FOLR2: variants seen among roughly 807,000 people sequenced by gnomAD.
FOLR2 encodes folate receptor beta, also known as folate receptor 2 (fetal).
Under a neutral mutation model 20.4 loss-of-function variants are expected in FOLR2, and 14 were observed. The observed-to-expected ratio is 0.68, with a 90% CI of 0.45 to 1.07. The LOEUF (loss-of-function observed/expected upper bound fraction) is 1.07. Ranked by LOEUF, FOLR2 falls within the 50% of genes least tolerant of loss-of-function variation. The pLI, the probability that FOLR2 is intolerant of heterozygous loss-of-function variation, is 0.00. For missense variants in FOLR2, 269 were observed against 322.6 expected, an observed-to-expected ratio of 0.83 and a Z score of 1.27; for synonymous variants, 114 against 114.3, an observed-to-expected ratio of 1.00 and a Z score of 0.02.
intron 1 of FOLR2, chr11:72,217,221 C>T (rs547671458): frequency 1.9e-6 from 1 of 515,298 alleles, no homozygotes; most frequent in Non-Finnish European, 3.4e-6. Flanking sequence ...GACGGGGTTT[C>T]ATCATGTTGG....
Position 72,221,067 on chromosome 11 carries a change from T to TCGGGGGGGGGCCCCGCCCCCCC in FOLR2, c.339+10_339+11insGGGGGGGGGCCCCGCCCCCCCC. ...GGCCCTGGATCCAGCAGGTAGGGTG[T>TCGGGGGGGGGCCCCGCCCCCCC]CTCCCCCCCACCCACCCCAGCAGAC... On this transcript the variant is annotated intron_variant, in intron 3 of 4. Coordinates refer to ENST00000298223, the MANE Select transcript of FOLR2 (RefSeq NM_000803.5). The TCGGGGGGGGGCCCCGCCCCCCC allele has an allele frequency of 6.4e-7, 1 of 1,570,120 alleles. No homozygotes were observed. The highest frequency in any genetic ancestry group is 8.7e-7 in the Non-Finnish European group (1 of 1,154,916).
intron 1 of FOLR2, 85 bp from the exon 2 acceptor site, chr11:72,218,476 G>A (rs1488355337): frequency 1.0e-5 from 13 of 1,253,506 alleles, no homozygotes; most frequent in East Asian, 2.5e-5. Flanking sequence ...ATTTGCCACC[G>A]TAGGGTTGGG....
At chr11:72,221,100 C>T in intron 3 of FOLR2, 42 bp downstream of exon 3, 2 of 1,558,506 alleles carry the variant, frequency 1.3e-6, no homozygotes, top group African/African-American at 2.7e-5. Flanking sequence ...GACTGCCATC[C>T]CCCTCAGTCA....
In FOLR2 at chr11:72,221,722, T is replaced by C. The variant is rs762646223; in HGVS notation, c.728T>C (p.Leu243Pro). ...EMLHGTGGLL[L>P]SLALMLQLWL... is the part of the protein sequence containing the mutation. ...CTTCATGGGACTGGGGGTCTCCTGCTCAGTCTGGCCCTGATGCTGCAACTC... is the reference window on the plus strand; with the variant it reads ...CTTCATGGGACTGGGGGTCTCCTGCCCAGTCTGGCCCTGATGCTGCAACTC... Residue 243 changes from leucine (L) to proline (P), a missense_variant, in exon 5 of 5, where the codon CTC becomes CCC. By Grantham distance (98) the Leu-to-Pro change is moderately conservative. Coordinates refer to ENST00000298223, the MANE Select transcript of FOLR2 (RefSeq NM_000803.5). 6 of 1,614,014 alleles carry C rather than the reference T, an allele frequency of 3.7e-6. No homozygotes were observed. Among genetic ancestry groups the C allele is most frequent in the Non-Finnish European group, 5.1e-6 (6 of 1,179,888 alleles).
In FOLR2 at chr11:72,221,514, T is replaced by C. The variant is rs1375597371; in HGVS notation, c.520T>C (p.Ser174Pro). 1 of 1,613,790 alleles carries C rather than the reference T, an allele frequency of 6.2e-7. No individual in the cohort carries two copies. Among genetic ancestry groups the C allele is most frequent in the Non-Finnish European group, 8.5e-7 (1 of 1,179,896 alleles). ...TGGGGCTCTCTGCCGCACCTTTGAG[T>C]CCTACTTCCCCACTCCAGCTGCCCT... ...PAGALCRTFE[S>P]YFPTPAALCE... The change falls in exon 5 of 5, where the codon TCC becomes CCC. Residue 174 changes from serine (S) to proline (P), a missense_variant. Transcript: ENST00000298223.
At position 72,221,067 on chromosome 11, in the gene FOLR2, T is replaced by TCTG; in HGVS notation, c.339+11_339+12insGCT. On this transcript the variant is annotated intron_variant, in intron 3 of 4. Coordinates refer to ENST00000298223, the MANE Select transcript of FOLR2 (RefSeq NM_000803.5). ...GGCCCTGGATCCAGCAGGTAGGGTGTCTCCCCCCCACCCACCCCAGCAGAC... is the reference window on the plus strand; with the variant it reads ...GGCCCTGGATCCAGCAGGTAGGGTGTCTGCTCCCCCCCACCCACCCCAGCAGAC... 3 of 1,570,118 alleles carry TCTG rather than the reference T, an allele frequency of 1.9e-6. No individual in the cohort carries two copies. Among genetic ancestry groups the TCTG allele is most frequent in the South Asian group, 1.1e-5 (1 of 87,004 alleles).
In FOLR2 at chr11:72,218,644, T is replaced by G. The variant is rs760869226; in HGVS notation, c.60T>G (p.Ser20Arg). 6.2e-7 allele frequency: 1 copy of G among 1,613,428 alleles called. No homozygotes were observed. The highest frequency in any genetic ancestry group is 2.2e-5 in the East Asian group (1 of 44,862). Reference sequence around the variant, plus strand: ...TGGTCTGTGTAGCCACCATGTGCAGTGCCCAGGACAGGACTGATCTCCTCA... The same window carrying G: ...TGGTCTGTGTAGCCACCATGTGCAGGGCCCAGGACAGGACTGATCTCCTCA... ...LLLVCVATMC[S>R]AQDRTDLLNV... is the part of the protein sequence containing the mutation. The change falls in exon 2 of 5, where the codon AGT (serine) becomes AGG (arginine). Residue 20 changes from serine to arginine, a missense_variant. Ser to Arg is a moderately radical substitution (Grantham distance 110). Transcript: ENST00000298223.
intron 2 of FOLR2, among the ~76,000 whole-genome samples, 160 bp from the exon 3 acceptor site, chr11:72,220,710 C>T (rs534989729): frequency 6.6e-6 from 1 of 152,296 alleles, no homozygotes; most frequent in South Asian, 2.1e-4. Context: ...GAAAGGGGTT[C>T]CTGGAGGCCT....
Position 72,221,189 on chromosome 11 carries a change from GGCGCAAAGAAC to G in FOLR2, c.356_366del (p.Arg119LeufsTer39). The G allele has an allele frequency of 1.2e-6, 2 of 1,612,606 alleles. No homozygotes were observed. Among genetic ancestry groups the G allele is most frequent in the Non-Finnish European group, 1.7e-6 (2 of 1,179,456 alleles). ...CCTCCCACCCAGGTGAATCAGAGCTGGCGCAAAGAACGCTTCCTGGATGTGCCCTTATGCAA... is the reference window on the plus strand; with the variant it reads ...CCTCCCACCCAGGTGAATCAGAGCTGGCTTCCTGGATGTGCCCTTATGCAA... On this transcript the variant is annotated frameshift_variant, in exon 4 of 5. Coordinates refer to ENST00000298223, the MANE Select transcript of FOLR2 (RefSeq NM_000803.5). LOFTEE classifies it high-confidence loss of function.
intron 2 of FOLR2, among the ~76,000 whole-genome samples, chr11:72,219,466 C>T (rs566277222): frequency 7.2e-5 from 11 of 152,232 alleles, no homozygotes; most frequent in Admixed American, 5.2e-4. Context: ...GAGAAACACA[C>T]AGAAAGTAAC....
chr11:72,219,247 T>A (rs1948444331), intron 2 of FOLR2, among the ~76,000 whole-genome samples: 1 of 152,130 alleles, frequency 6.6e-6, no homozygotes, highest in South Asian at 2.1e-4. Context: ...GAGGAGGCCC[T>A]TCTGGCTGTA....
At position 72,216,850 on chromosome 11, in the gene FOLR2, C is replaced by T. The variant is rs1948397097; in HGVS notation, c.-100C>T. On this transcript the variant is annotated 5_prime_UTR_variant, in exon 1 of 5. Coordinates refer to ENST00000298223, the MANE Select transcript of FOLR2 (RefSeq NM_000803.5). ...GAGGCTGTGGGGACAGCCTAGGGGC[C>T]TGGATCTATTGCCTACTTAGAGAGA... 1 of 1,594,226 alleles carries T rather than the reference C, an allele frequency of 6.3e-7. No individual in the cohort carries two copies. The highest frequency in any genetic ancestry group is 1.3e-5 in the African/African-American group (1 of 74,950).
rs544857074 is a variant in FOLR2 at position 72,220,042 on chromosome 11, C to T, written c.151-828C>T. On this transcript the variant is annotated intron_variant, in intron 2 of 4. Coordinates refer to ENST00000298223, the MANE Select transcript of FOLR2 (RefSeq NM_000803.5). ...ATTTTTACCAGAGACGAGGTTTCAC[C>T]ATGTTGGCCAGGGTGGTCTCAAACT... Among the ~76,000 whole-genome samples, 7 of 152,186 alleles carry T rather than the reference C, an allele frequency of 4.6e-5. No homozygotes were observed. In the East Asian group the frequency reaches 1.2e-3, roughly 25 times the overall value.
chr11:72,221,693 G>A lies in FOLR2; in HGVS notation c.699G>A (p.Glu233=), dbSNP rs746200796. 1.9e-6 allele frequency: 3 copies of A among 1,614,024 alleles called. No individual in the cohort carries two copies. The highest frequency in any genetic ancestry group is 2.5e-6 in the Non-Finnish European group (3 of 1,179,992). Residue 233 remains glutamate, a synonymous_variant, in exon 5 of 5, where the codon GAG becomes GAA. Coordinates refer to ENST00000298223, the MANE Select transcript of FOLR2 (RefSeq NM_000803.5). Reference sequence around the variant, plus strand: ...CAGCCATGCATGTGAATGCTGGTGAGATGCTTCATGGGACTGGGGGTCTCC... The same window carrying A: ...CAGCCATGCATGTGAATGCTGGTGAAATGCTTCATGGGACTGGGGGTCTCC... ...YAAAMHVNAG[E]MLHGTGGLLL...
At position 72,220,929 on chromosome 11, in the gene FOLR2, G is replaced by C. The variant is rs1948474191; in HGVS notation, c.210G>C (p.Lys70Asn). 6.2e-7 allele frequency: 1 copy of C among 1,613,940 alleles called. No homozygotes were observed. Among genetic ancestry groups the C allele is most frequent in the Non-Finnish European group, 8.5e-7 (1 of 1,179,848 alleles). ...CCAGCACCAGCCAGGAGCTGCACAAGGACACCTCCCGCCTGTACAACTTTA... is the reference window on the plus strand; with the variant it reads ...CCAGCACCAGCCAGGAGCTGCACAACGACACCTCCCGCCTGTACAACTTTA... ...CTASTSQELH[K>N]DTSRLYNFNW... The change falls in exon 3 of 5, where the codon AAG (lysine) becomes AAC (asparagine). Residue 70 changes from lysine (K) to asparagine (N), a missense_variant. By Grantham distance (94) the Lys-to-Asn change is moderately conservative. Coordinates refer to ENST00000298223, the MANE Select transcript of FOLR2 (RefSeq NM_000803.5).
chr11:72,221,068 C>CGGGGGGGGGGCG lies in FOLR2; in HGVS notation c.339+10_339+11insGGGGGGGGGGCG. ...GCCCTGGATCCAGCAGGTAGGGTGT[C>CGGGGGGGGGGCG]TCCCCCCCACCCACCCCAGCAGACT... is the stretch of plus-strand genomic sequence containing the variant. On this transcript the variant is annotated intron_variant, in intron 3 of 4. Transcript: ENST00000298223. 4 of 1,559,128 alleles carry CGGGGGGGGGGCG rather than the reference C, an allele frequency of 2.6e-6. No homozygotes were observed. Among genetic ancestry groups the CGGGGGGGGGGCG allele is most frequent in the Non-Finnish European group, 3.5e-6 (4 of 1,151,230 alleles).
intron 2 of FOLR2, among the ~76,000 whole-genome samples, chr11:72,219,880 C>G (rs1229644508): frequency 6.7e-6 from 1 of 149,524 alleles, no homozygotes; most frequent in East Asian, 2.0e-4. Context: ...AGGAGTCTCA[C>G]TCTGTTGCCC....
intron 2 of FOLR2, among the ~76,000 whole-genome samples, chr11:72,219,990 G>A (rs986270136): frequency 2.0e-5 from 3 of 151,960 alleles, no homozygotes; most frequent in Admixed American, 6.6e-5. Context: ...TGGGGCACCC[G>A]CCACCATGCC....
Position 72,221,067 on chromosome 11 carries a change from T to TCGGGGGGGGCCCCCCCCCCCCCCCCCC in FOLR2, c.339+10_339+11insGGGGGGGGCCCCCCCCCCCCCCCCCCC. The TCGGGGGGGGCCCCCCCCCCCCCCCCCC allele has an allele frequency of 3.2e-6, 5 of 1,570,050 alleles. No individual in the cohort carries two copies. Among genetic ancestry groups the TCGGGGGGGGCCCCCCCCCCCCCCCCCC allele is most frequent in the Non-Finnish European group, 4.3e-6 (5 of 1,154,852 alleles). On this transcript the variant is annotated intron_variant, in intron 3 of 4. Transcript: ENST00000298223. ...GGCCCTGGATCCAGCAGGTAGGGTGTCTCCCCCCCACCCACCCCAGCAGAC... is the reference window on the plus strand; with the variant it reads ...GGCCCTGGATCCAGCAGGTAGGGTGTCGGGGGGGGCCCCCCCCCCCCCCCCCCCTCCCCCCCACCCACCCCAGCAGAC...
Sources: allele counts gnomAD v4.1 joint callset (sites outside exome capture counted in the v4.1 genomes callset), GRCh38; gene constraint gnomAD v4.1.1; transcripts MANE v1.5; gene names NCBI Gene and HGNC (gene_info 2026-07-23, HGNC 2026-07-21).